DOCK2: variants seen among roughly 807,000 people sequenced by gnomAD.
The protein encoded by DOCK2 is dedicator of cytokinesis 2.
In DOCK2, 87 loss-of-function variants were observed where a neutral mutation model predicts 248.9. That is an observed-to-expected ratio of 0.35 (90% confidence interval 0.29 to 0.42). The LOEUF (loss-of-function observed/expected upper bound fraction) is 0.42, where lower values mean the gene tolerates loss of function less well. DOCK2 is among the 10% of genes least tolerant of loss of function. DOCK2 has a pLI of 1.00. For synonymous variants in DOCK2, 805 were observed against 821.6 expected (o/e 0.98, Z 0.35); for missense variants, 1,747 against 2,300.2 (o/e 0.76, Z 4.92).
At chr5:169,939,321 A>G (rs1037620785) in intron 27 of DOCK2, among the ~76,000 whole-genome samples, 1 of 151,670 alleles carries the variant, frequency 6.6e-6, no homozygotes, top group Non-Finnish European at 1.5e-5. Context: ...CCACCTCCAC[A>G]TCTGGTCTCA....
chr5:169,638,665 C>A (rs926862798), intron 1 of DOCK2, among the ~76,000 whole-genome samples: 3 of 152,138 alleles, frequency 2.0e-5, no homozygotes, highest in African/African-American at 7.2e-5. Flanking sequence ...CCAAGAGACA[C>A]CAGCACCAAG....
intron 27 of DOCK2, among the ~76,000 whole-genome samples, chr5:169,842,878 T>C (rs543866036): frequency 3.9e-5 from 6 of 152,350 alleles, no homozygotes; most frequent in African/African-American, 1.4e-4. Context: ...AGCCTTTTGT[T>C]TGATGGCTTT....
chr5:169,740,712 C>T (rs1254289403), intron 22 of DOCK2, among the ~76,000 whole-genome samples: 3 of 152,200 alleles, frequency 2.0e-5, no homozygotes, highest in African/African-American at 4.8e-5. Context: ...TCATCCTAAC[C>T]GTTCCTTACA....
At chr5:169,715,608 T>TTA (rs1157660459) in intron 19 of DOCK2, among the ~76,000 whole-genome samples, 34 of 149,108 alleles carry the variant, frequency 2.3e-4, no homozygotes, top group African/African-American at 8.3e-4. Context: ...TTTTTTTTTT[T>TTA]AAAAAAGTTT....
chr5:169,786,604 T>G (rs1765995528), intron 25 of DOCK2, among the ~76,000 whole-genome samples: 2 of 152,216 alleles, frequency 1.3e-5, no homozygotes, highest in Non-Finnish European at 2.9e-5. Context: ...TTTGCTGTCC[T>G]GTTGAGTACC....
chr5:169,997,733 G>A (rs1754697660), intron 30 of DOCK2, among the ~76,000 whole-genome samples: 1 of 151,350 alleles, frequency 6.6e-6, no homozygotes, highest in Non-Finnish European at 1.5e-5. Context: ...GAATCTCAAG[G>A]CAGAAGAATT....
intron 46 of DOCK2, among the ~76,000 whole-genome samples, 180 bp downstream of exon 46, chr5:170,069,400 G>C (rs1442694717): frequency 6.6e-6 from 1 of 152,230 alleles, no homozygotes; most frequent in East Asian, 1.9e-4. Flanking sequence ...CTGGAACAGA[G>C]ATTTGGGGCA....
intron 30 of DOCK2, among the ~76,000 whole-genome samples, chr5:170,001,682 T>C (rs1754837282): frequency 6.6e-6 from 1 of 152,238 alleles, no homozygotes; most frequent in South Asian, 2.1e-4. Context: ...AAAAAATAAT[T>C]TCCCAAGCAC....
intron 30 of DOCK2, among the ~76,000 whole-genome samples, chr5:170,000,649 G>A (rs1362993937): frequency 6.6e-6 from 1 of 152,120 alleles, no homozygotes; most frequent in African/African-American, 2.4e-5. Flanking sequence ...ATTGGCCCTG[G>A]AATCAGAGAT....
intron 49 of DOCK2, 32 bp from the exon 50 acceptor site, chr5:170,080,130 GT>G: frequency 6.3e-7 from 1 of 1,585,210 alleles, no homozygotes; most frequent in African/African-American, 1.3e-5. Context: ...CTGTCTTTGT[GT>G]GTGTGTGTGT....
intron 49 of DOCK2, 145 bp downstream of exon 49, chr5:170,079,291 A>G: frequency 8.6e-7 from 1 of 1,161,854 alleles, no homozygotes; most frequent in Non-Finnish European, 1.2e-6. Context: ...GCACCTGAGG[A>G]GCTGAGAGGT....
chr5:169,781,960 G>A (rs1646211029), intron 25 of DOCK2, among the ~76,000 whole-genome samples: 1 of 152,192 alleles, frequency 6.6e-6, no homozygotes, highest in Non-Finnish European at 1.5e-5. Context: ...TGTTTTGTTT[G>A]TTGGTTTATG....
chr5:169,666,215 C>A (rs1758723378), intron 2 of DOCK2, among the ~76,000 whole-genome samples: 1 of 152,158 alleles, frequency 6.6e-6, no homozygotes, highest in Non-Finnish European at 1.5e-5. Context: ...AGGGAGCAAA[C>A]TCTCCTGTAA....
In DOCK2 at chr5:169,992,775, TA is replaced by T. The variant is rs11391142; in HGVS notation, c.2994-3301del. On this transcript the variant is annotated intron_variant, in intron 29 of 51. Transcript: ENST00000520908. The stretch of plus-strand genomic sequence containing the variant: ...ACCGTGCCCAGCCAATTACTGTTTT[TA>T]AAAAAAAAACAAGAAAAATGAGAAG... Among the ~76,000 whole-genome samples, 246 of 150,156 alleles carry T rather than the reference TA, an allele frequency of 1.6e-3. 2 individuals carry two copies. Among genetic ancestry groups the T allele is most frequent in the African/African-American group, 5.5e-3 (226 of 40,890 alleles).
chr5:169,911,374 T>G (rs1483378283), intron 27 of DOCK2, among the ~76,000 whole-genome samples: 3 of 152,184 alleles, frequency 2.0e-5, no homozygotes, highest in Non-Finnish European at 1.5e-5. Context: ...TGCTATGGCG[T>G]TCACAGGACA....
chr5:169,902,866 G>A (rs185756039), intron 27 of DOCK2, among the ~76,000 whole-genome samples: 3 of 152,126 alleles, frequency 2.0e-5, no homozygotes, highest in South Asian at 2.1e-4. Flanking sequence ...TTGGGAGGCC[G>A]AGGCAGGCGG....
chr5:169,933,551 GC>G (rs1775856214), intron 27 of DOCK2, among the ~76,000 whole-genome samples: 1 of 152,178 alleles, frequency 6.6e-6, no homozygotes, highest in Non-Finnish European at 1.5e-5. Flanking sequence ...GGGGAAGGAG[GC>G]TGCTTATTTG....
At chr5:169,884,413 A>G (rs1010816474) in intron 27 of DOCK2, 1 of 152,498 alleles carries the variant, frequency 6.6e-6, no homozygotes, top group African/African-American at 2.4e-5. Context: ...ACTTAAATGC[A>G]TCTTCTTTCC....
At position 169,983,087 on chromosome 5, in the gene DOCK2, T is replaced by C. The variant is rs774717966; in HGVS notation, c.2819T>C (p.Met940Thr). The change falls in exon 28 of 52, where the codon ATG becomes ACG. Residue 940 changes from methionine (M) to threonine (T), a missense_variant. Transcript: ENST00000520908. ...TTGCAGAGTCACTTTGTGGCATGTA[T>C]GACAGCCATCTTAAACCAGATGGGT... is the stretch of plus-strand genomic sequence containing the variant. ...HILISHFVACMTAILNQMGDQ... is the reference protein window; with the variant it reads ...HILISHFVACTTAILNQMGDQ... 1 of 1,614,072 alleles carries C rather than the reference T, an allele frequency of 6.2e-7. No homozygotes were observed. Among genetic ancestry groups the C allele is most frequent in the Non-Finnish European group, 8.5e-7 (1 of 1,179,914 alleles).
Sources: allele counts gnomAD v4.1 joint callset (sites outside exome capture counted in the v4.1 genomes callset), GRCh38; gene constraint gnomAD v4.1.1; transcripts MANE v1.5; gene names NCBI Gene and HGNC (gene_info 2026-07-23, HGNC 2026-07-21).